MB21D2: variants seen among roughly 807,000 people sequenced by gnomAD.
MB21D2 encodes the protein nucleotidyltransferase MB21D2.
A neutral mutation model predicts 33.3 loss-of-function variants in MB21D2; 9 were observed. The ratio of observed to expected loss-of-function variants is 0.27; its 90% CI spans 0.16 to 0.47. The LOEUF (loss-of-function observed/expected upper bound fraction) is 0.47. MB21D2 is among the 20% of genes least tolerant of loss of function. The pLI, the probability that MB21D2 is intolerant of heterozygous loss-of-function variation, is 0.99. For synonymous variants in MB21D2, 241 were observed against 236.3 expected, an observed-to-expected ratio of 1.02 and a Z score of -0.18; for missense variants, 540 against 624.6, an observed-to-expected ratio of 0.86 and a Z score of 1.44.
In MB21D2 at chr3:192,799,741, A is replaced by G; in HGVS notation, c.212-91T>C. 7.4e-7 allele frequency: 1 copy of G among 1,352,928 alleles called. No individual in the cohort carries two copies. Among genetic ancestry groups the G allele is most frequent in the African/African-American group, 1.5e-5 (1 of 68,250 alleles). The allele number at this position is 1,352,928 out of a possible 1,614,324, so 83.8% of individuals were successfully genotyped here. ...AAACAGAATGCTCTGATGTTCCAAG[A>G]ACCAAAACTCATTATCAGTACTAAA... On this transcript the variant is annotated intron_variant, in intron 1 of 1. Coordinates refer to ENST00000392452, the MANE Select transcript of MB21D2 (RefSeq NM_178496.4). This position sits in a 1 kb window ranked among gnomAD's most constrained non-coding sequence, Gnocchi z 4.1.
intron 1 of MB21D2, among the ~76,000 whole-genome samples, chr3:192,806,280 C>T (rs540468530): frequency 6.6e-6 from 1 of 152,346 alleles, no homozygotes; most frequent in Admixed American, 6.5e-5. Context: ...ACACAATCGT[C>T]CCTTGGTCCC....
At chr3:192,896,017 A>G (rs1713965238) in intron 1 of MB21D2, among the ~76,000 whole-genome samples, 2 of 152,204 alleles carry the variant, frequency 1.3e-5, no homozygotes, top group Admixed American at 1.3e-4. Context: ...GAGACGGAAA[A>G]AAAGGATTTT....
At position 192,876,646 on chromosome 3, in the gene MB21D2, C is replaced by A. The variant is rs1713433329; in HGVS notation, c.211+40984G>T. On this transcript the variant is annotated intron_variant, in intron 1 of 1. Transcript: ENST00000392452. The stretch of plus-strand genomic sequence containing the variant: ...TGAGGCTGATGCTTTATGATCTAGC[C>A]CCTGTTCCCTCTCAATTCTTGCCAC... Among the ~76,000 whole-genome samples the A allele has an allele frequency of 2.0e-5, 3 of 152,174 alleles. No homozygotes were observed. In the South Asian group the frequency reaches 6.2e-4, roughly 32 times the overall value.
chr3:192,850,045 A>G (rs1712765576), intron 1 of MB21D2, among the ~76,000 whole-genome samples: 1 of 151,528 alleles, frequency 6.6e-6, no homozygotes, highest in Admixed American at 6.6e-5. Context: ...CAGCTTCCTG[A>G]GTAGCTGGGA....
intron 1 of MB21D2, among the ~76,000 whole-genome samples, chr3:192,840,375 T>C (rs1053670033): frequency 6.6e-6 from 1 of 151,722 alleles, no homozygotes; most frequent in Non-Finnish European, 1.5e-5. Context: ...CACCGTAACT[T>C]TGTGCTTGGG....
intron 1 of MB21D2, among the ~76,000 whole-genome samples, chr3:192,913,488 A>C (rs1349825041): frequency 6.6e-6 from 1 of 152,170 alleles, no homozygotes; most frequent in African/African-American, 2.4e-5. Context: ...TTCTGACATA[A>C]CAGTTCTGAA....
At chr3:192,916,167 A>G (rs2108658332) in intron 1 of MB21D2, among the ~76,000 whole-genome samples, 1 of 151,258 alleles carries the variant, frequency 6.6e-6, no homozygotes, top group East Asian at 1.9e-4. Context: ...GAATCTCTCA[A>G]TAGTTTTTCA....
chr3:192,905,504 T>C (rs1274976907), intron 1 of MB21D2, among the ~76,000 whole-genome samples: 1 of 151,224 alleles, frequency 6.6e-6, no homozygotes, highest in Non-Finnish European at 1.5e-5. Context: ...AGGGGTGGTG[T>C]CAGGCGCCTG....
intron 1 of MB21D2, among the ~76,000 whole-genome samples, chr3:192,865,681 G>C (rs1265945312): frequency 6.6e-6 from 1 of 152,010 alleles, no homozygotes; most frequent in Non-Finnish European, 1.5e-5. Context: ...GGTCTACCAG[G>C]CCCCCTCCCA....
intron 1 of MB21D2, among the ~76,000 whole-genome samples, chr3:192,886,205 G>A (rs1007324187): frequency 1.3e-5 from 2 of 152,034 alleles, no homozygotes; most frequent in Admixed American, 6.6e-5. Flanking sequence ...TGATCCACTC[G>A]CCTTGGCCTC....
intron 1 of MB21D2, among the ~76,000 whole-genome samples, chr3:192,892,214 A>G (rs897052740): frequency 1.3e-5 from 2 of 152,072 alleles, no homozygotes; most frequent in African/African-American, 4.8e-5. Flanking sequence ...GTCCATCTTC[A>G]GCTCCCAACG....
In MB21D2 at chr3:192,884,482, T is replaced by C. The variant is rs976517995; in HGVS notation, c.211+33148A>G. On this transcript the variant is annotated intron_variant, in intron 1 of 1. Coordinates refer to ENST00000392452, the MANE Select transcript of MB21D2 (RefSeq NM_178496.4). ...CCCGGGTTCACTCCATTCTCCTGCC[T>C]CAGCCTCCCGAGTAGCTGGGACTAC... Among the ~76,000 whole-genome samples, 3 of 151,836 alleles carry C rather than the reference T, an allele frequency of 2.0e-5. No individual in the cohort carries two copies. The East Asian group carries it at 5.8e-4, about 29-fold the overall frequency.
intron 1 of MB21D2, among the ~76,000 whole-genome samples, chr3:192,873,976 G>C (rs907239361): frequency 6.6e-6 from 1 of 152,134 alleles, no homozygotes; most frequent in Non-Finnish European, 1.5e-5. Flanking sequence ...CTGGGCCTTA[G>C]TGCATTTATT....
intron 1 of MB21D2, among the ~76,000 whole-genome samples, chr3:192,913,059 T>C (rs912138077): frequency 2.0e-5 from 3 of 152,230 alleles, no homozygotes; most frequent in African/African-American, 7.2e-5. Context: ...ACCCTAATTG[T>C]ACTGCATAGT....
chr3:192,819,091 A>G (rs1257617700), intron 1 of MB21D2, among the ~76,000 whole-genome samples: 1 of 152,136 alleles, frequency 6.6e-6, no homozygotes, highest in Non-Finnish European at 1.5e-5. Context: ...TTTCCTGGAG[A>G]GCTGAGCATG....
intron 1 of MB21D2, among the ~76,000 whole-genome samples, chr3:192,880,996 C>CATCTATATATAAATATAT (rs1179850409): frequency 6.6e-6 from 1 of 151,938 alleles, no homozygotes; most frequent in African/African-American, 2.4e-5. Context: ...TTTATATACA[C>CATCTATATATAAATATAT]ATCTATATAT....
chr3:192,891,947 C>G (rs551777224), intron 1 of MB21D2, among the ~76,000 whole-genome samples: 1 of 152,244 alleles, frequency 6.6e-6, no homozygotes, highest in South Asian at 2.1e-4. Context: ...ATTATTTAAC[C>G]CACCTGCACT....
chr3:192,839,611 T>C (rs1712525579), intron 1 of MB21D2, among the ~76,000 whole-genome samples: 2 of 152,214 alleles, frequency 1.3e-5, no homozygotes, highest in South Asian at 4.1e-4. Flanking sequence ...TATACATATA[T>C]GTGTCTGTGT....
At chr3:192,803,967 C>T (rs1468851156) in intron 1 of MB21D2, among the ~76,000 whole-genome samples, 24 of 152,178 alleles carry the variant, frequency 1.6e-4, no homozygotes. Flanking sequence ...TTCATGGAGG[C>T]ACTGGCATAT....
Sources: allele counts gnomAD v4.1 joint callset (sites outside exome capture counted in the v4.1 genomes callset), GRCh38; gene constraint gnomAD v4.1.1; non-coding constraint Gnocchi (gnomAD v3.1); transcripts MANE v1.5; gene names NCBI Gene and HGNC (gene_info 2026-07-23, HGNC 2026-07-21).